MAGI2: variants seen among roughly 807,000 people sequenced by gnomAD.
MAGI2 encodes the protein membrane associated guanylate kinase, WW and PDZ domain containing 2, also known as membrane-associated guanylate kinase, WW and PDZ domain-containing protein 2.
Under a neutral mutation model 133.3 loss-of-function variants are expected in MAGI2, and 35 were observed. The observed-to-expected ratio is 0.26, with a 90% CI of 0.20 to 0.35. The LOEUF (loss-of-function observed/expected upper bound fraction) is 0.35, where lower values mean the gene tolerates loss of function less well. Among genes scored for constraint, MAGI2 ranks in the 10% least tolerant of loss-of-function variants. The pLI is 1.00. For missense variants in MAGI2, 1,636 were observed against 1,863.4 expected (o/e 0.88, Z 2.25); for synonymous variants, 729 against 710.6 (o/e 1.03, Z -0.41).
rs371116386 is a variant in MAGI2 at position 78,194,107 on chromosome 7, G to A, written c.2269+767C>T. Among the ~76,000 whole-genome samples the A allele has an allele frequency of 4.1e-4, 62 of 152,296 alleles. 1 individual carries two copies. The highest frequency in any genetic ancestry group is 1.5e-3 in the East Asian group (8 of 5,192). ...AGCGCCAGGGACCAAACTCTTCTAC[G>A]AGGCTGGGTTTCCTGATCATTTAAT... On this transcript the variant is annotated intron_variant, in intron 12 of 21. Transcript: ENST00000354212.
Position 79,436,812 on chromosome 7 carries a change from G to T in MAGI2, c.301+16208C>A, listed in dbSNP as rs1297991067. 2.6e-5 allele frequency among the ~76,000 whole-genome samples: 4 copies of T among 152,094 alleles called. No individual in the cohort carries two copies. In the East Asian group the frequency reaches 7.7e-4, roughly 29 times the overall value. On this transcript the variant is annotated intron_variant, in intron 1 of 21. Coordinates refer to ENST00000354212, the MANE Select transcript of MAGI2 (RefSeq NM_012301.4). ...GAGAATTCTAAAAGTAATAAAAATAGAATTTCCATTCAATCCAGTAATCCC... is the reference window on the plus strand; with the variant it reads ...GAGAATTCTAAAAGTAATAAAAATATAATTTCCATTCAATCCAGTAATCCC...
chr7:78,346,992 C>T (rs905717649), intron 7 of MAGI2: 1 of 152,178 alleles, frequency 6.6e-6, no homozygotes, highest in African/African-American at 2.4e-5. Flanking sequence ...TCATAACAAC[C>T]CAGACTTGCA....
At chr7:79,424,169 G>A (rs1418574265) in intron 1 of MAGI2, among the ~76,000 whole-genome samples, 1 of 151,944 alleles carries the variant, frequency 6.6e-6, no homozygotes, top group East Asian at 1.9e-4. Context: ...TAGAAACTTA[G>A]ACTTTCATAT....
intron 12 of MAGI2, among the ~76,000 whole-genome samples, chr7:78,188,132 A>G (rs1036392479): frequency 6.6e-6 from 1 of 152,144 alleles, no homozygotes; most frequent in Non-Finnish European, 1.5e-5. Context: ...TTATTTTGCT[A>G]TCTCTATATT....
At chr7:78,915,974 C>G (rs999350687) in intron 2 of MAGI2, among the ~76,000 whole-genome samples, 3 of 151,962 alleles carry the variant, frequency 2.0e-5, no homozygotes, top group African/African-American at 7.2e-5. Flanking sequence ...TCTCAATATA[C>G]TAATTAAGAA....
chr7:79,081,248 C>T (rs561234303), intron 1 of MAGI2, among the ~76,000 whole-genome samples: 1 of 152,256 alleles, frequency 6.6e-6, no homozygotes, highest in South Asian at 2.1e-4. Context: ...CTATTTATCT[C>T]CATCTCAGTT....
At chr7:78,473,897 T>C (rs2150433332) in intron 6 of MAGI2, among the ~76,000 whole-genome samples, 1 of 152,050 alleles carries the variant, frequency 6.6e-6, no homozygotes, top group Non-Finnish European at 1.5e-5. Context: ...AGGACAAATC[T>C]TAAACGACTT....
intron 2 of MAGI2, among the ~76,000 whole-genome samples, chr7:78,916,730 C>G (rs1228762024): frequency 6.6e-6 from 1 of 152,006 alleles, no homozygotes; most frequent in African/African-American, 2.4e-5. Flanking sequence ...CTTTGACAGC[C>G]TGTCAGTGTA....
At chr7:79,105,119 T>C (rs1156685792) in intron 1 of MAGI2, among the ~76,000 whole-genome samples, 1 of 152,256 alleles carries the variant, frequency 6.6e-6, no homozygotes, top group Non-Finnish European at 1.5e-5. Flanking sequence ...TAACAAATCG[T>C]TCTGAGTGCA....
intron 21 of MAGI2, among the ~76,000 whole-genome samples, chr7:78,023,311 TC>T (rs1340879749): frequency 6.6e-6 from 1 of 152,202 alleles, no homozygotes; most frequent in Non-Finnish European, 1.5e-5. Context: ...TAGTTCTGCT[TC>T]CTTCAGACGA....
intron 1 of MAGI2, among the ~76,000 whole-genome samples, chr7:79,024,420 C>G (rs763245571): frequency 6.6e-6 from 1 of 151,904 alleles, no homozygotes; most frequent in Non-Finnish European, 1.5e-5. Flanking sequence ...GACATAGAAC[C>G]CAGCAAAGGC....
At chr7:78,355,324 G>T (rs1791958838) in intron 7 of MAGI2, among the ~76,000 whole-genome samples, 1 of 152,174 alleles carries the variant, frequency 6.6e-6, no homozygotes, top group African/African-American at 2.4e-5. Flanking sequence ...CACTTTTAAA[G>T]TTAATTCCAA....
At chr7:78,654,152 A>C (rs567901809) in intron 2 of MAGI2, among the ~76,000 whole-genome samples, 20 of 152,286 alleles carry the variant, frequency 1.3e-4, no homozygotes, top group African/African-American at 4.8e-4. Context: ...AAAGAGCATG[A>C]ATTCTTGAGA....
intron 2 of MAGI2, among the ~76,000 whole-genome samples, chr7:78,949,982 C>A (rs1801738606): frequency 6.6e-6 from 1 of 152,280 alleles, no homozygotes; most frequent in South Asian, 2.1e-4. Flanking sequence ...GCAACTCTGG[C>A]TTGGAGACTC....
At chr7:78,652,940 G>GAA (rs569748966) in intron 2 of MAGI2, among the ~76,000 whole-genome samples, 2 of 142,942 alleles carry the variant, frequency 1.4e-5, no homozygotes, top group Non-Finnish European at 3.1e-5. Flanking sequence ...ATTTACAAGG[G>GAA]AAAAAAAAAA....
chr7:78,096,470 T>C (rs1201430206), intron 20 of MAGI2, among the ~76,000 whole-genome samples: 1 of 152,180 alleles, frequency 6.6e-6, no homozygotes, highest in Admixed American at 6.6e-5. Flanking sequence ...ACTTATTCAA[T>C]AGGAAACTTT....
At chr7:79,284,001 T>C (rs995479672) in intron 1 of MAGI2, among the ~76,000 whole-genome samples, 1 of 152,102 alleles carries the variant, frequency 6.6e-6, no homozygotes, top group Non-Finnish European at 1.5e-5. Flanking sequence ...TAACATGCTA[T>C]ATAGGTTTGT....
intron 21 of MAGI2, 140 bp from the exon 22 acceptor site, chr7:78,020,116 C>A: frequency 1.3e-6 from 1 of 754,340 alleles, no homozygotes; most frequent in Non-Finnish European, 2.0e-6. Context: ...CCCACCCCCA[C>A]CCTCACTGCC....
chr7:78,833,038 C>T (rs993513186), intron 2 of MAGI2, among the ~76,000 whole-genome samples: 7 of 152,156 alleles, frequency 4.6e-5, no homozygotes, highest in African/African-American at 1.2e-4. Context: ...AGGCATACTG[C>T]CTTCTGAGAA....
Sources: allele counts gnomAD v4.1 joint callset (sites outside exome capture counted in the v4.1 genomes callset), GRCh38; gene constraint gnomAD v4.1.1; transcripts MANE v1.5; gene names NCBI Gene and HGNC (gene_info 2026-07-23, HGNC 2026-07-21).